The following OSBPL1A variants were observed in gnomAD, a reference collection of about 807,000 sequenced individuals.
The protein encoded by OSBPL1A is oxysterol-binding protein-related protein 1.
OSBPL1A carries 80 observed loss-of-function variants against 137.1 expected under a neutral mutation model. That is an observed-to-expected ratio of 0.58 (90% CI 0.49 to 0.70). The LOEUF (loss-of-function observed/expected upper bound fraction) is 0.70. Ranked by LOEUF, OSBPL1A falls within the 30% of genes least tolerant of loss-of-function variation. The probability of loss-of-function intolerance (pLI) is 0.00; values close to 1 mark genes in which losing one functional copy is unlikely to be tolerated. For missense variants in OSBPL1A, 970 were observed against 1,129.4 expected (o/e 0.86, Z 2.02); for synonymous variants, 365 against 389.7 (o/e 0.94, Z 0.75).
chr18:24,219,575 T>C (rs138636038), intron 17 of OSBPL1A, among the ~76,000 whole-genome samples: 13 of 152,208 alleles, frequency 8.5e-5, no homozygotes, highest in African/African-American at 2.7e-4. Context: ...AAAACTGCTC[T>C]GATTTACCTA....
At position 24,172,130 on chromosome 18, in the gene OSBPL1A, G is replaced by A. The variant is rs541633364; in HGVS notation, c.2201+246C>T. Among the ~76,000 whole-genome samples the A allele has an allele frequency of 5.9e-5, 9 of 152,002 alleles. 1 individual carries two copies. Among genetic ancestry groups the A allele is most frequent in the South Asian group, 2.1e-4 (1 of 4,790 alleles). On this transcript the variant is annotated intron_variant, in intron 22 of 27. Transcript: ENST00000319481. ...TAATTTTTGTATTTTTAGTAGAGACGGGGTTTCACCATCTTGGCCAGGCTG... is the reference window on the plus strand; with the variant it reads ...TAATTTTTGTATTTTTAGTAGAGACAGGGTTTCACCATCTTGGCCAGGCTG...
At chr18:24,253,202 C>T (rs1238699810) in intron 15 of OSBPL1A, among the ~76,000 whole-genome samples, 2 of 137,134 alleles carry the variant, frequency 1.5e-5, no homozygotes, top group Non-Finnish European at 3.2e-5. Context: ...AAAAACAAGA[C>T]CCCACAATCT....
intron 15 of OSBPL1A, among the ~76,000 whole-genome samples, chr18:24,258,865 C>A (rs997100503): frequency 6.8e-6 from 1 of 146,662 alleles, no homozygotes; most frequent in African/African-American, 2.5e-5. Context: ...TAGTAAAATT[C>A]TAAATCAACC....
chr18:24,215,537 T>A (rs534486681), intron 17 of OSBPL1A, among the ~76,000 whole-genome samples: 3 of 152,336 alleles, frequency 2.0e-5, no homozygotes, highest in African/African-American at 4.8e-5. Flanking sequence ...TTGCAATTTT[T>A]TTATTATTAT....
At chr18:24,281,366 G>C (rs1277831955) in intron 14 of OSBPL1A, among the ~76,000 whole-genome samples, 1 of 151,074 alleles carries the variant, frequency 6.6e-6, no homozygotes, top group East Asian at 1.9e-4. Context: ...TTACAGGCGT[G>C]AGTCACCGCG....
intron 11 of OSBPL1A, among the ~76,000 whole-genome samples, chr18:24,315,652 AAAATTAT>A (rs2090708108): frequency 7.8e-6 from 1 of 128,950 alleles, no homozygotes; most frequent in Admixed American, 8.9e-5. Flanking sequence ...AGTAAAATAT[AAAATTAT>A]AATATAATAT....
At chr18:24,243,944 T>G (rs1381319388) in intron 15 of OSBPL1A, among the ~76,000 whole-genome samples, 1 of 152,226 alleles carries the variant, frequency 6.6e-6, no homozygotes, top group African/African-American at 2.4e-5. Context: ...TCTGAAAGCA[T>G]GCTTAAGTGC....
intron 21 of OSBPL1A, among the ~76,000 whole-genome samples, chr18:24,174,757 G>A (rs1229012571): frequency 6.6e-6 from 1 of 151,972 alleles, no homozygotes; most frequent in Non-Finnish European, 1.5e-5. Context: ...TGATGCTGTT[G>A]AACATCTTTT....
intron 15 of OSBPL1A, among the ~76,000 whole-genome samples, chr18:24,241,958 G>C (rs1232863926): frequency 6.6e-6 from 1 of 152,108 alleles, no homozygotes; most frequent in East Asian, 1.9e-4. Context: ...AAAAAAGAAT[G>C]AGTTCATGTC....
At chr18:24,332,025 ATTTAGGGTCACAC>A (rs1361424859) in intron 7 of OSBPL1A, among the ~76,000 whole-genome samples, 2 of 151,994 alleles carry the variant, frequency 1.3e-5, no homozygotes, top group Non-Finnish European at 2.9e-5. Flanking sequence ...GTCATGGTCT[ATTTAGGGTCACAC>A]TTTCCACCTT....
At chr18:24,305,844 T>C (rs1318172588) in intron 13 of OSBPL1A, among the ~76,000 whole-genome samples, 1 of 152,008 alleles carries the variant, frequency 6.6e-6, no homozygotes, top group Non-Finnish European at 1.5e-5. Flanking sequence ...TAAAGGGGAG[T>C]TCCCCTGCAA....
At chr18:24,200,604 G>A (rs75266721) in intron 17 of OSBPL1A, among the ~76,000 whole-genome samples, 5,289 of 151,064 alleles carry the variant, frequency 0.035, 130 homozygotes, top group Non-Finnish European at 0.056. Flanking sequence ...TTTCTCAGTC[G>A]TACTACCCAG....
chr18:24,344,731 CAGG>C (rs2091318216), intron 4 of OSBPL1A, among the ~76,000 whole-genome samples: 2 of 151,990 alleles, frequency 1.3e-5, no homozygotes, highest in South Asian at 4.2e-4. Context: ...CAGTGAATCC[CAGG>C]AGGAGAAAAT....
intron 15 of OSBPL1A, among the ~76,000 whole-genome samples, chr18:24,277,259 A>G (rs927565026): frequency 1.3e-5 from 2 of 152,016 alleles, no homozygotes; most frequent in Non-Finnish European, 2.9e-5. Context: ...CCTAGAAAAC[A>G]TAAAATTATG....
chr18:24,264,508 GT>G (rs2089522450), intron 15 of OSBPL1A, among the ~76,000 whole-genome samples: 1 of 152,170 alleles, frequency 6.6e-6, no homozygotes, highest in Non-Finnish European at 1.5e-5. Flanking sequence ...TGACAGGCCA[GT>G]TTAACATTAA....
intron 4 of OSBPL1A, among the ~76,000 whole-genome samples, chr18:24,360,037 G>A (rs1425663535): frequency 3.3e-5 from 5 of 152,092 alleles, no homozygotes; most frequent in African/African-American, 9.7e-5. Context: ...GCGCGATCTC[G>A]GCTCACTGCA....
At chr18:24,326,538 C>G (rs76648887) in intron 7 of OSBPL1A, among the ~76,000 whole-genome samples, 3,916 of 152,304 alleles carry the variant, frequency 0.026, 51 homozygotes, top group Middle Eastern at 0.048. Flanking sequence ...AGTCACGGGG[C>G]AGCCATCTTC....
At chr18:24,181,124 T>G (rs1339548426) in intron 19 of OSBPL1A, 21 bp downstream of exon 19, 8 of 1,609,570 alleles carry the variant, frequency 5.0e-6, no homozygotes, top group Non-Finnish European at 5.9e-6. Flanking sequence ...GAGTTAGACC[T>G]TTTCCTCCCT....
At chr18:24,210,535 C>CT (rs11355890) in intron 17 of OSBPL1A, among the ~76,000 whole-genome samples, 3,305 of 143,108 alleles carry the variant, frequency 0.023, 125 homozygotes, top group African/African-American at 0.077. Context: ...TTTTCTTTTT[C>CT]TTTTTTTTTT....
Sources: gnomAD v4.1 joint callset for allele counts (sites outside exome capture counted in the v4.1 genomes callset) on GRCh38, gnomAD v4.1.1 for gene constraint, MANE v1.5 for transcripts, NCBI Gene and HGNC (gene_info 2026-07-23, HGNC 2026-07-21) for gene names.